The following TDRD5 variants were observed in gnomAD, a reference collection of about 807,000 sequenced individuals.
TDRD5 encodes the protein tudor domain-containing protein 5.
In TDRD5, 41 loss-of-function variants were observed where a neutral mutation model predicts 120.6. The ratio of observed to expected loss-of-function variants is 0.34; its 90% confidence interval spans 0.26 to 0.44. TDRD5 has a LOEUF of 0.44. Among genes scored for constraint, TDRD5 ranks in the 20% least tolerant of loss-of-function variants. The probability of loss-of-function intolerance (pLI) is 1.00; values close to 1 mark genes in which losing one functional copy is unlikely to be tolerated. For synonymous variants in TDRD5, 430 were observed against 433.7 expected (o/e 0.99, Z 0.11); for missense variants, 1,006 against 1,221.2 (o/e 0.82, Z 2.63).
At chr1:179,663,198 A>T (rs1679398681) in intron 15 of TDRD5, 150 bp from the exon 16 acceptor site, 2 of 852,306 alleles carry the variant, frequency 2.3e-6, no homozygotes, top group African/African-American at 3.4e-5. Context: ...CCAATAAAGC[A>T]AGGAGGAAAG....
At chr1:179,597,380 G>T (rs1675456168) in intron 4 of TDRD5, among the ~76,000 whole-genome samples, 1 of 137,462 alleles carries the variant, frequency 7.3e-6, no homozygotes, top group South Asian at 2.3e-4. Flanking sequence ...CACCCAGGCT[G>T]GAGTGCAATG....
chr1:179,637,146 T>G (rs1210509428), intron 9 of TDRD5, among the ~76,000 whole-genome samples: 1 of 152,226 alleles, frequency 6.6e-6, no homozygotes, highest in African/African-American at 2.4e-5. Context: ...TCATTTTATT[T>G]TGTATCTCAA....
In TDRD5 at chr1:179,618,610, A is replaced by C; in HGVS notation, c.843A>C (p.Thr281=). The part of the protein sequence containing the change: ...HTEKLNQLEN[T]FKSVIAQIGP... ...TTCTTTTTTCATAGCTGGAGAACAC[A>C]TTCAAATCAGTTATTGCACAGATTG... The change falls in exon 5 of 18, where the codon ACA becomes ACC. Residue 281 remains threonine, a synonymous_variant. Transcript: ENST00000444136. 1 of 1,590,130 alleles carries C rather than the reference A, an allele frequency of 6.3e-7. No individual in the cohort carries two copies.
chr1:179,684,934 C>G (rs1374716842), intron 17 of TDRD5, among the ~76,000 whole-genome samples: 1 of 152,158 alleles, frequency 6.6e-6, no homozygotes, highest in East Asian at 1.9e-4. Context: ...TTTGTAGACT[C>G]TGGATATTAG....
At chr1:179,608,923 G>A (rs1676135906) in intron 4 of TDRD5, among the ~76,000 whole-genome samples, 1 of 152,018 alleles carries the variant, frequency 6.6e-6, no homozygotes, top group Non-Finnish European at 1.5e-5. Flanking sequence ...GGGTATTATA[G>A]ACTTAATTAT....
chr1:179,594,735 A>C (rs1427690675), intron 3 of TDRD5, among the ~76,000 whole-genome samples: 1 of 152,274 alleles, frequency 6.6e-6, no homozygotes, highest in Non-Finnish European at 1.5e-5. Context: ...ACAAGTTTAT[A>C]AACCAATATT....
At chr1:179,669,023 C>T (rs1425624025) in intron 16 of TDRD5, among the ~76,000 whole-genome samples, 171 bp from the exon 17 acceptor site, 4 of 151,996 alleles carry the variant, frequency 2.6e-5, no homozygotes, top group African/African-American at 9.7e-5. Flanking sequence ...GGATTACAGG[C>T]GTGAGCCACC....
intron 15 of TDRD5, among the ~76,000 whole-genome samples, chr1:179,662,900 T>G (rs990680761): frequency 6.6e-6 from 1 of 152,214 alleles, no homozygotes; most frequent in Non-Finnish European, 1.5e-5. Flanking sequence ...CCATTTTCTC[T>G]AATTCTACTG....
chr1:179,678,898 A>G (rs192174578), intron 17 of TDRD5, among the ~76,000 whole-genome samples: 25 of 152,320 alleles, frequency 1.6e-4, no homozygotes, highest in African/African-American at 5.3e-4. Flanking sequence ...CTTCCATTAT[A>G]GAGTTGAATA....
intron 11 of TDRD5, among the ~76,000 whole-genome samples, chr1:179,646,728 C>T (rs1678388165): frequency 6.6e-6 from 1 of 152,130 alleles, no homozygotes; most frequent in African/African-American, 2.4e-5. Context: ...CCAAAATCTC[C>T]TTAAGCTGAT....
intron 4 of TDRD5, among the ~76,000 whole-genome samples, chr1:179,609,095 C>G (rs1676145462): frequency 6.6e-6 from 1 of 152,024 alleles, no homozygotes; most frequent in Non-Finnish European, 1.5e-5. Context: ...TTTGCTCTCT[C>G]CACGGGAACA....
In TDRD5 at chr1:179,691,021, A is replaced by G. The variant is rs1681123836; in HGVS notation, c.*78A>G. ...AACTCCCAGGCCAAAATGAGGAGTT[A>G]TTGAAGCAAAATAGTATCTTGATCA... On this transcript the variant is annotated 3_prime_UTR_variant, in exon 18 of 18. Transcript: ENST00000444136. The G allele has an allele frequency of 6.6e-7, 1 of 1,514,658 alleles. No individual in the cohort carries two copies. The highest frequency in any genetic ancestry group is 1.4e-5 in the African/African-American group (1 of 71,924). 93.8% of individuals were successfully genotyped at this position (1,514,658 alleles called of 1,614,324 possible). A position where few individuals can be genotyped will look rare whatever the true frequency, so the allele number is the denominator to read the frequency against.
chr1:179,681,626 T>C (rs1171052213), intron 17 of TDRD5, among the ~76,000 whole-genome samples: 7 of 152,104 alleles, frequency 4.6e-5, no homozygotes. Flanking sequence ...GGCCATATGA[T>C]CTGTGGCAAT....
At chr1:179,593,272 A>G (rs1265018517) in intron 2 of TDRD5, among the ~76,000 whole-genome samples, 188 bp from the exon 3 acceptor site, 6 of 152,226 alleles carry the variant, frequency 3.9e-5, no homozygotes, top group Admixed American at 3.9e-4. Flanking sequence ...ACTTTTCTTC[A>G]GCTGGCAGGA....
intron 17 of TDRD5, among the ~76,000 whole-genome samples, chr1:179,672,702 T>C (rs1288891070): frequency 6.6e-6 from 1 of 152,232 alleles, no homozygotes; most frequent in Non-Finnish European, 1.5e-5. Context: ...TTTCCAATGT[T>C]ATACTCTAGA....
intron 17 of TDRD5, among the ~76,000 whole-genome samples, chr1:179,676,811 G>A (rs1418428592): frequency 1.3e-5 from 2 of 152,122 alleles, no homozygotes; most frequent in Non-Finnish European, 2.9e-5. Flanking sequence ...TAAATAACTT[G>A]ATGACTGTAT....
chr1:179,616,844 C>T (rs1676588496), intron 4 of TDRD5, among the ~76,000 whole-genome samples: 1 of 152,134 alleles, frequency 6.6e-6, no homozygotes, highest in Non-Finnish European at 1.5e-5. Context: ...GATCTCACTT[C>T]CCTACTTAAT....
chr1:179,612,641 A>C (rs1037789511), intron 4 of TDRD5, among the ~76,000 whole-genome samples: 14 of 152,294 alleles, frequency 9.2e-5, no homozygotes, highest in Admixed American at 9.2e-4. Context: ...ACCATTTAAG[A>C]GTACATCATC....
chr1:179,645,614 G>A (rs1400725470), intron 11 of TDRD5, among the ~76,000 whole-genome samples: 1 of 152,146 alleles, frequency 6.6e-6, no homozygotes, highest in Admixed American at 6.5e-5. Context: ...ACTTTATTGT[G>A]TGAAACTCTT....
Sources: gnomAD v4.1 joint callset for allele counts (sites outside exome capture counted in the v4.1 genomes callset) on GRCh38, gnomAD v4.1.1 for gene constraint, MANE v1.5 for transcripts, NCBI Gene and HGNC (gene_info 2026-07-23, HGNC 2026-07-21) for gene names.